The following LAMA5 variants were observed in gnomAD, a reference collection of about 807,000 sequenced individuals.
The protein encoded by LAMA5 is laminin subunit alpha 5, also known as laminin subunit alpha-5.
Under a neutral mutation model 433.4 loss-of-function variants are expected in LAMA5, and 260 were observed. The ratio of observed to expected loss-of-function variants is 0.60; its 90% CI spans 0.54 to 0.66. The LOEUF is 0.66. Ranked by LOEUF, LAMA5 falls within the 30% of genes least tolerant of loss-of-function variation. The pLI is 0.00. For missense variants in LAMA5, 5,378 were observed against 5,258.5 expected, an observed-to-expected ratio of 1.02 and a Z score of -0.70; for synonymous variants, 2,620 against 2,226.6, an observed-to-expected ratio of 1.18 and a Z score of -4.97.
intron 3 of LAMA5, 94 bp from the exon 4 acceptor site, chr20:62,352,454 A>C: frequency 2.2e-6 from 2 of 909,698 alleles, no homozygotes; most frequent in Non-Finnish European, 3.4e-6. Flanking sequence ...GGGCCTTGCC[A>C]CTGAGGCTCC....
At position 62,309,811 on chromosome 20, in the gene LAMA5, C is replaced by A. The variant is rs137921751; in HGVS notation, c.10853G>T (p.Arg3618Leu). The change falls in exon 79 of 80, where the codon CGG becomes CTG. Residue 3618 changes from arginine to leucine, a missense_variant. Arg to Leu is a moderately radical substitution (Grantham distance 102). Coordinates refer to ENST00000252999, the MANE Select transcript of LAMA5 (RefSeq NM_005560.6). ...LAVMKSGNVL[R>L]LEVDAQSNHT... ...GTTGCTCTGCGCGTCCACCTCCAGC[C>A]GGAGCACATTCCCGCTTTTCATCAC... is the stretch of plus-strand genomic sequence containing the variant. The A allele has an allele frequency of 5.5e-5, 89 of 1,611,230 alleles. No individual in the cohort carries two copies. Among genetic ancestry groups the A allele is most frequent in the Non-Finnish European group, 7.2e-5 (85 of 1,179,482 alleles).
chr20:62,345,143 G>C (rs970405040), intron 11 of LAMA5, among the ~76,000 whole-genome samples: 2 of 151,894 alleles, frequency 1.3e-5, no homozygotes, highest in Non-Finnish European at 2.9e-5. Context: ...TCAGCCTCCT[G>C]AGTAGCTGGG....
chr20:62,334,713 T>C, intron 20 of LAMA5, 92 bp from the exon 21 acceptor site: 5 of 912,020 alleles, frequency 5.5e-6, no homozygotes, highest in Non-Finnish European at 7.8e-6. Context: ...TGCCTGGGGC[T>C]CTCTGGATGA....
intron 79 of LAMA5, 84 bp downstream of exon 79, chr20:62,309,632 G>GGGAGGGGGCAGGGGGTA (rs1568884958): frequency 1.1e-4 from 65 of 616,480 alleles, no homozygotes; most frequent in Non-Finnish European, 1.2e-4. Context: ...GGCAGGGGGT[G>GGGAGGGGGCAGGGGGTA]GAGGGGTGGG....
intron 46 of LAMA5, 52 bp downstream of exon 46, chr20:62,322,606 A>C (rs964657460): frequency 6.9e-6 from 10 of 1,456,446 alleles, no homozygotes; most frequent in Non-Finnish European, 6.5e-6. Context: ...CCAGGCCCCA[A>C]CTCTAGTCCC....
Position 62,359,320 on chromosome 20 carries a change from C to T in LAMA5, c.450+3080G>A, listed in dbSNP as rs563044174. On this transcript the variant is annotated intron_variant, in intron 2 of 79. Coordinates refer to ENST00000252999, the MANE Select transcript of LAMA5 (RefSeq NM_005560.6). The surrounding 1 kb of genome is among the most constrained non-coding windows in gnomAD (Gnocchi z 4.3). ...GCCAGAGCCAGCCCCACTCACCCTG[C>T]CCAGCTCCTTACAACCTGGGCCCGC... 1.3e-5 allele frequency among the ~76,000 whole-genome samples: 2 copies of T among 152,284 alleles called. No homozygotes were observed. The highest frequency in any genetic ancestry group is 4.8e-5 in the African/African-American group (2 of 41,566).
Position 62,355,731 on chromosome 20 carries a change from C to T in LAMA5, c.451-2480G>A, listed in dbSNP as rs1038980377. On this transcript the variant is annotated intron_variant, in intron 2 of 79. Coordinates refer to ENST00000252999, the MANE Select transcript of LAMA5 (RefSeq NM_005560.6). Reference sequence around the variant, plus strand: ...CAGGGACAGACCCTATACCCAGCCCCACACCCGGGCCTCAGCAGCCCCCTG... The same window carrying T: ...CAGGGACAGACCCTATACCCAGCCCTACACCCGGGCCTCAGCAGCCCCCTG... 2.2e-4 allele frequency among the ~76,000 whole-genome samples: 33 copies of T among 151,924 alleles called. 1 individual carries two copies. Among genetic ancestry groups the T allele is most frequent in the Admixed American group, 1.5e-3 (23 of 15,294 alleles).
chr20:62,319,540 A>G, intron 51 of LAMA5, 144 bp downstream of exon 51: 1 of 613,004 alleles, frequency 1.6e-6, no homozygotes, highest in East Asian at 2.8e-5. Flanking sequence ...ACCCTGCCCT[A>G]CTGTTCACTC....
At chr20:62,336,541 T>A in intron 17 of LAMA5, 96 bp from the exon 18 acceptor site, 1 of 1,204,528 alleles carries the variant, frequency 8.3e-7, no homozygotes, top group Non-Finnish European at 1.2e-6. Flanking sequence ...TGGTGAGGGC[T>A]GAGGGCCCTC....
rs1001973619 is a variant in LAMA5 at position 62,311,051 on chromosome 20, G to A, written c.10132C>T (p.Leu3378Phe). 6.2e-7 allele frequency: 1 copy of A among 1,602,886 alleles called. No individual in the cohort carries two copies. Among genetic ancestry groups the A allele is most frequent in the Non-Finnish European group, 8.5e-7 (1 of 1,174,884 alleles). The change falls in exon 74 of 80, where the codon CTC becomes TTC. Residue 3378 changes from leucine (L) to phenylalanine (F), a missense_variant. By Grantham distance (22) the Leu-to-Phe change is conservative. Coordinates refer to ENST00000252999, the MANE Select transcript of LAMA5 (RefSeq NM_005560.6). Reference sequence around the variant, plus strand: ...CTCAGACGGGCAGTGAAGAGGAGGAGGCCTCGGGAGCTTCGCGGGAGGACG... The same window carrying A: ...CTCAGACGGGCAGTGAAGAGGAGGAAGCCTCGGGAGCTTCGCGGGAGGACG... ...MHVLPRSSRG[L>F]LLFTARLRPG...
chr20:62,328,587 C>G, intron 34 of LAMA5, 142 bp from the exon 35 acceptor site: 1 of 896,634 alleles, frequency 1.1e-6, no homozygotes, highest in Non-Finnish European at 1.6e-6. Context: ...GGTGCTGAGC[C>G]TTGGACAGCT....
Position 62,315,132 on chromosome 20 carries a change from G to T in LAMA5, c.7943C>A (p.Ser2648Tyr). The T allele has an allele frequency of 6.2e-7, 1 of 1,610,026 alleles. No individual in the cohort carries two copies. The highest frequency in any genetic ancestry group is 8.5e-7 in the Non-Finnish European group (1 of 1,179,750). Residue 2648 changes from serine to tyrosine, a missense_variant, in exon 59 of 80, where the codon TCC (serine) becomes TAC (tyrosine). Transcript: ENST00000252999. ...EAQDTATRVQ[S>Y]QLQAMQENVE... ...ATTCTCCTGCATGGCCTGCAGCTGG[G>T]ACTGCACACGGGTGGCGGTGTCCTG...
chr20:62,314,883 C>T lies in LAMA5; in HGVS notation c.8112G>A (p.Gly2704=), dbSNP rs746471012. 1.9e-6 allele frequency: 3 copies of T among 1,611,762 alleles called. No homozygotes were observed. The highest frequency in any genetic ancestry group is 1.7e-5 in the Admixed American group (1 of 59,982). ...LAKLSILENR[G]VHNASLALSA... ...ACAGGGCCAGGCTGGCGTTGTGCAC[C>T]CCACGGTTCTCCAGGATGCTCAGCT... The change falls in exon 60 of 80, where the codon GGG becomes GGA. Residue 2704 remains glycine, a synonymous_variant. Transcript: ENST00000252999.
At chr20:62,341,570 A>C in intron 11 of LAMA5, among the ~76,000 whole-genome samples, 1 of 151,778 alleles carries the variant, frequency 6.6e-6, no homozygotes, top group Non-Finnish European at 1.5e-5. Flanking sequence ...CTGTGCATCA[A>C]AGTCACCACT....
Position 62,318,459 on chromosome 20 carries a change from C to G in LAMA5, c.7234G>C (p.Ala2412Pro). Residue 2412 changes from alanine to proline, a missense_variant, in exon 53 of 80, where the codon GCC becomes CCC. Ala to Pro is a conservative substitution (Grantham distance 27). Coordinates refer to ENST00000252999, the MANE Select transcript of LAMA5 (RefSeq NM_005560.6). ...NSRNQERLEEALQRKQELSRD... is the reference protein window; with the variant it reads ...NSRNQERLEEPLQRKQELSRD... ...AACAAGTCCGGGGTCCTCACCAGGG[C>G]TTCCTCCAGGCGCTCCTGGTTGCGG... 6.3e-7 allele frequency: 1 copy of G among 1,587,776 alleles called. No individual in the cohort carries two copies. Among genetic ancestry groups the G allele is most frequent in the Non-Finnish European group, 8.6e-7 (1 of 1,169,264 alleles).
rs1276539673 is a variant in LAMA5, at chr20:62,325,378, C to A, written c.5467G>T (p.Ala1823Ser). Residue 1823 changes from alanine to serine, a missense_variant, in exon 41 of 80, where the codon GCC becomes TCC. Physicochemically the swap from Ala to Ser is moderately conservative, Grantham distance 99 (BLOSUM62 1). Transcript: ENST00000252999. ...LEVASPAGQG[A>S]LASNVELCLC... is the part of the protein sequence containing the mutation. Reference sequence around the variant, plus strand: ...CACAGCTCCACATTGCTGGCCAGGGCCCCCTGGCCTGCTGGGCTGGCCACC... The same window carrying A: ...CACAGCTCCACATTGCTGGCCAGGGACCCCTGGCCTGCTGGGCTGGCCACC... 3 of 1,609,386 alleles carry A rather than the reference C, an allele frequency of 1.9e-6. No homozygotes were observed. The highest frequency in any genetic ancestry group is 4.5e-5 in the East Asian group (2 of 44,756).
At chr20:62,316,480 C>G (rs1430061268) in intron 57 of LAMA5, among the ~76,000 whole-genome samples, 191 bp downstream of exon 57, 1 of 152,206 alleles carries the variant, frequency 6.6e-6, no homozygotes, top group Non-Finnish European at 1.5e-5. Flanking sequence ...CTGCTCCTCC[C>G]TGGACTCCCC....
intron 17 of LAMA5, 69 bp downstream of exon 17, chr20:62,336,665 C>G (rs914979352): frequency 5.8e-5 from 90 of 1,558,558 alleles, no homozygotes; most frequent in Non-Finnish European, 7.6e-5. Flanking sequence ...CTGGTCTCAC[C>G]GGACTCGGGA....
At position 62,346,727 on chromosome 20, in the gene LAMA5, G is replaced by C; in HGVS notation, c.1146C>G (p.Ser382Arg). The change falls in exon 8 of 80, where the codon AGC becomes AGG. Residue 382 changes from serine to arginine, a missense_variant. Transcript: ENST00000252999. ...PEVDRRRASQ[S>R]LDGTYQGGGV... ...CCCCACCCTGATAGGTGCCATCCAG[G>C]CTCTGGCTGGCGCGGCGCCGGTCCA... 1 of 1,613,194 alleles carries C rather than the reference G, an allele frequency of 6.2e-7. No individual in the cohort carries two copies. Among genetic ancestry groups the C allele is most frequent in the Non-Finnish European group, 8.5e-7 (1 of 1,179,868 alleles).
Sources: gnomAD v4.1 joint callset for allele counts (sites outside exome capture counted in the v4.1 genomes callset) on GRCh38, gnomAD v4.1.1 for gene constraint, Gnocchi (gnomAD v3.1) non-coding constraint, MANE v1.5 for transcripts, NCBI Gene and HGNC (gene_info 2026-07-23, HGNC 2026-07-21) for gene names.